The following CPQ variants were observed in gnomAD, a reference collection of about 807,000 sequenced individuals.
CPQ encodes the protein Ser-Met dipeptidase.
Under a neutral mutation model 45.7 loss-of-function variants are expected in CPQ, and 37 were observed. The ratio of observed to expected loss-of-function variants is 0.81; its 90% CI spans 0.62 to 1.07. The LOEUF is 1.07. Ranked by LOEUF, CPQ falls within the 50% of genes least tolerant of loss-of-function variation. The pLI is 0.00. For synonymous variants in CPQ, 186 were observed against 205.8 expected, an observed-to-expected ratio of 0.90 and a Z score of 0.82; for missense variants, 537 against 572.9, an observed-to-expected ratio of 0.94 and a Z score of 0.64.
At chr8:96,885,371 A>G (rs575067085) in intron 4 of CPQ, among the ~76,000 whole-genome samples, 2 of 152,266 alleles carry the variant, frequency 1.3e-5, no homozygotes, top group East Asian at 3.9e-4. Context: ...GCAATGTTGC[A>G]TTGGGGATTA....
chr8:96,723,245 A>T (rs558680752), intron 1 of CPQ, among the ~76,000 whole-genome samples: 4 of 152,312 alleles, frequency 2.6e-5, no homozygotes, highest in East Asian at 3.9e-4. Flanking sequence ...GATTTTATTT[A>T]AAAAAATTCA....
chr8:97,131,027 TA>T (rs1210564406), intron 7 of CPQ, among the ~76,000 whole-genome samples: 1 of 152,218 alleles, frequency 6.6e-6, no homozygotes, highest in Non-Finnish European at 1.5e-5. Context: ...GAAAGCATAT[TA>T]GAACATTTAG....
intron 3 of CPQ, among the ~76,000 whole-genome samples, chr8:96,854,011 A>T (rs1811807231): frequency 6.6e-6 from 1 of 152,096 alleles, no homozygotes; most frequent in African/African-American, 2.4e-5. Flanking sequence ...TCTCACCAAG[A>T]GCTTCTGGGC....
intron 2 of CPQ, among the ~76,000 whole-genome samples, chr8:96,802,461 T>G (rs1811019617): frequency 6.6e-6 from 1 of 152,202 alleles, no homozygotes; most frequent in Admixed American, 6.5e-5. Flanking sequence ...GGAAAATGCA[T>G]CAGTAATATC....
chr8:97,143,014 C>A lies in CPQ; in HGVS notation c.1256-6C>A. ...CCACTAAGAATTCTTCCTCTTTTAT[C>A]CCCAGGAGCCAGTCTACTTGATGAC... On this transcript the variant is annotated splice_region_variant and splice_polypyrimidine_tract_variant and intron_variant, in intron 7 of 7. Transcript: ENST00000220763. The A allele has an allele frequency of 6.2e-7, 1 of 1,613,034 alleles. No homozygotes were observed. The highest frequency in any genetic ancestry group is 8.5e-7 in the Non-Finnish European group (1 of 1,179,408).
chr8:96,969,579 C>T (rs964811657), intron 5 of CPQ, among the ~76,000 whole-genome samples: 1 of 151,526 alleles, frequency 6.6e-6, no homozygotes, highest in African/African-American at 2.4e-5. Flanking sequence ...ATAGAAATTC[C>T]TGAGATGAAC....
At chr8:96,978,050 G>A (rs1398246364) in intron 5 of CPQ, among the ~76,000 whole-genome samples, 1 of 152,024 alleles carries the variant, frequency 6.6e-6, no homozygotes, top group Non-Finnish European at 1.5e-5. Context: ...TGGCCATGGG[G>A]CATCTGTGAC....
rs538506247 is a variant in CPQ at position 96,827,338 on chromosome 8, T to G, written c.434-7635T>G. The stretch of plus-strand genomic sequence containing the variant: ...CCCTCCATCACTTCCTCTGTACTCT[T>G]GGCTGCCAAGTAGACCCATGGAGCC... On this transcript the variant is annotated intron_variant, in intron 2 of 7. Transcript: ENST00000220763. Among the ~76,000 whole-genome samples, 8 of 152,194 alleles carry G rather than the reference T, an allele frequency of 5.3e-5. No individual in the cohort carries two copies. The East Asian group carries it at 1.6e-3, about 30-fold the overall frequency.
intron 7 of CPQ, among the ~76,000 whole-genome samples, chr8:97,096,364 A>G (rs1281651556): frequency 6.6e-6 from 1 of 152,192 alleles, no homozygotes; most frequent in Non-Finnish European, 1.5e-5. Context: ...TCAATTCAAA[A>G]TATTTGTTAC....
chr8:97,088,694 A>C (rs1811078509), intron 7 of CPQ, among the ~76,000 whole-genome samples: 1 of 152,152 alleles, frequency 6.6e-6, no homozygotes, highest in South Asian at 2.1e-4. Context: ...TGTCTTTATT[A>C]GTTTCTAGGA....
intron 1 of CPQ, among the ~76,000 whole-genome samples, chr8:96,737,733 A>G (rs1279137417): frequency 6.6e-6 from 1 of 152,012 alleles, no homozygotes; most frequent in Non-Finnish European, 1.5e-5. Flanking sequence ...GTTGACACTC[A>G]TTATTAACCA....
chr8:97,089,414 G>C (rs921513902), intron 7 of CPQ, among the ~76,000 whole-genome samples: 1 of 152,006 alleles, frequency 6.6e-6, no homozygotes, highest in Admixed American at 6.6e-5. Context: ...AATGATCCAG[G>C]GGGTAGTCCA....
rs1264028753 is a variant in CPQ, at chr8:96,839,088, TTATATTA to T, written c.641+3914_641+3920del. Among the ~76,000 whole-genome samples, 3 of 97,448 alleles carry T rather than the reference TTATATTA, an allele frequency of 3.1e-5. No individual in the cohort carries two copies. In the East Asian group the frequency reaches 1.8e-3, roughly 57 times the overall value. The allele number at this position is 97,448 out of a possible 152,430, so 63.9% of individuals were successfully genotyped here. On this transcript the variant is annotated intron_variant, in intron 3 of 7. Transcript: ENST00000220763. ...TAGAGGTCAGCAACACTAGAGAACA[TTATATTA>T]TATATATATATATATATTATGATTT...
intron 6 of CPQ, among the ~76,000 whole-genome samples, chr8:97,060,566 A>G (rs1051910100): frequency 3.3e-5 from 5 of 152,122 alleles, no homozygotes; most frequent in Non-Finnish European, 7.4e-5. Flanking sequence ...GGGTTTACAG[A>G]TAATATCTGA....
intron 4 of CPQ, among the ~76,000 whole-genome samples, chr8:96,916,369 A>G (rs1586450270): frequency 6.6e-6 from 1 of 152,168 alleles, no homozygotes; most frequent in Admixed American, 6.6e-5. Context: ...AAACCAAAAA[A>G]TATTCTTTAT....
chr8:97,140,533 A>G (rs991474702), intron 7 of CPQ, among the ~76,000 whole-genome samples: 1 of 152,034 alleles, frequency 6.6e-6, no homozygotes, highest in Non-Finnish European at 1.5e-5. Flanking sequence ...TAAAACTGTT[A>G]TAAAACTTTA....
At chr8:96,711,236 T>C (rs1470823929) in intron 1 of CPQ, among the ~76,000 whole-genome samples, 1 of 152,204 alleles carries the variant, frequency 6.6e-6, no homozygotes, top group Non-Finnish European at 1.5e-5. Flanking sequence ...AGGTGATCTC[T>C]TGAAGACAGC....
chr8:96,772,861 G>A lies in CPQ; in HGVS notation c.-34-12003G>A, dbSNP rs963804754. On this transcript the variant is annotated intron_variant, in intron 1 of 7. Transcript: ENST00000220763. ...ATTTTTAACTATGAAACAATTAAGA[G>A]TTTGGTATAAGGCAATTTAGTTAAG... is the stretch of plus-strand genomic sequence containing the variant. 1.3e-4 allele frequency among the ~76,000 whole-genome samples: 20 copies of A among 152,144 alleles called. 1 individual carries two copies. Among genetic ancestry groups the A allele is most frequent in the African/African-American group, 4.6e-4 (19 of 41,434 alleles).
intron 5 of CPQ, among the ~76,000 whole-genome samples, chr8:97,016,283 A>C (rs942071742): frequency 2.0e-5 from 3 of 152,216 alleles, no homozygotes. Flanking sequence ...TGGCAACTAA[A>C]GCAAATGTCA....
Sources: allele counts gnomAD v4.1 joint callset (sites outside exome capture counted in the v4.1 genomes callset), GRCh38; gene constraint gnomAD v4.1.1; transcripts MANE v1.5; gene names NCBI Gene and HGNC (gene_info 2026-07-23, HGNC 2026-07-21).